GRM8: variants seen among roughly 807,000 people sequenced by gnomAD.
The protein encoded by GRM8 is glutamate metabotropic receptor 8.
In GRM8, 47 loss-of-function variants were observed where a neutral mutation model predicts 87.2. The ratio of observed to expected loss-of-function variants is 0.54; its 90% CI spans 0.43 to 0.69. GRM8 has a LOEUF of 0.69. Ranked by LOEUF, GRM8 falls within the 30% of genes least tolerant of loss-of-function variation. The pLI, the probability that GRM8 is intolerant of heterozygous loss-of-function variation, is 0.00. For synonymous variants in GRM8, 396 were observed against 404.5 expected (o/e 0.98, Z 0.25); for missense variants, 1,019 against 1,139.2 (o/e 0.89, Z 1.52).
At chr7:127,000,864 T>G (rs1382020181) in intron 3 of GRM8, among the ~76,000 whole-genome samples, 1 of 151,682 alleles carries the variant, frequency 6.6e-6, no homozygotes, top group African/African-American at 2.4e-5. Flanking sequence ...TTATATTTTT[T>G]TTACTATACT....
chr7:127,091,046 G>A (rs1042576456), intron 3 of GRM8: 6 of 152,162 alleles, frequency 3.9e-5, no homozygotes, highest in African/African-American at 1.4e-4. Flanking sequence ...TTTAAAAAGT[G>A]GTAAGATGTC....
At chr7:126,775,483 T>TG (rs1252978917) in intron 6 of GRM8, among the ~76,000 whole-genome samples, 31 of 58,088 alleles carry the variant, frequency 5.3e-4, no homozygotes, top group African/African-American at 1.2e-3. Flanking sequence ...AAATAGGTTT[T>TG]TTTTTTTTTT....
intron 2 of GRM8, among the ~76,000 whole-genome samples, chr7:127,131,356 C>T (rs1474084856): frequency 1.3e-5 from 2 of 152,158 alleles, no homozygotes; most frequent in Non-Finnish European, 2.9e-5. Context: ...GACATATGAC[C>T]TTTGGGATGA....
intron 8 of GRM8, among the ~76,000 whole-genome samples, chr7:126,549,533 T>G (rs1009438711): frequency 1.3e-5 from 2 of 152,224 alleles, no homozygotes; most frequent in Non-Finnish European, 2.9e-5. Flanking sequence ...AAAGTTATTA[T>G]TTAATTTCTA....
intron 7 of GRM8, among the ~76,000 whole-genome samples, chr7:126,664,765 C>G (rs1805581438): frequency 6.6e-6 from 1 of 151,916 alleles, no homozygotes; most frequent in Non-Finnish European, 1.5e-5. Flanking sequence ...AAATAACAAT[C>G]AATAACTAGG....
At chr7:127,173,312 A>C (rs2116342732) in intron 2 of GRM8, among the ~76,000 whole-genome samples, 1 of 152,314 alleles carries the variant, frequency 6.6e-6, no homozygotes, top group East Asian at 1.9e-4. Context: ...TTTTGATCAA[A>C]GACTTGAATA....
chr7:126,779,085 T>C (rs1031499874), intron 6 of GRM8, among the ~76,000 whole-genome samples: 17 of 152,056 alleles, frequency 1.1e-4, no homozygotes, highest in African/African-American at 2.9e-4. Context: ...TAGAAAAGCA[T>C]GGTTTTTTAT....
chr7:126,665,461 G>A (rs529345469), intron 7 of GRM8, among the ~76,000 whole-genome samples: 7 of 152,276 alleles, frequency 4.6e-5, no homozygotes, highest in African/African-American at 1.7e-4. Context: ...CACTGTGGAT[G>A]CAGCTAGAGG....
intron 7 of GRM8, among the ~76,000 whole-genome samples, chr7:126,615,384 T>C (rs1044772831): frequency 1.3e-5 from 2 of 151,948 alleles, no homozygotes; most frequent in African/African-American, 4.8e-5. Context: ...GCACTAAACA[T>C]GGAAAGGAAC....
intron 7 of GRM8, among the ~76,000 whole-genome samples, chr7:126,652,342 T>A (rs1803997098): frequency 6.6e-6 from 1 of 152,170 alleles, no homozygotes; most frequent in African/African-American, 2.4e-5. Flanking sequence ...TGCGTATGGG[T>A]TCAAGTCGAC....
intron 3 of GRM8, among the ~76,000 whole-genome samples, chr7:127,031,694 A>C (rs770314267): frequency 9.2e-5 from 14 of 152,198 alleles, no homozygotes; most frequent in Non-Finnish European, 1.8e-4. Context: ...TCTTCATAAA[A>C]AAATCATCGA....
intron 4 of GRM8, 63 bp downstream of exon 4, chr7:126,904,485 A>G: frequency 6.8e-7 from 1 of 1,465,104 alleles, no homozygotes; most frequent in Middle Eastern, 1.8e-4. Context: ...AACATGAAAT[A>G]TGTTAGAAAG....
At chr7:126,916,823 T>C (rs1803955404) in intron 3 of GRM8, among the ~76,000 whole-genome samples, 2 of 152,162 alleles carry the variant, frequency 1.3e-5, no homozygotes, top group African/African-American at 4.8e-5. Context: ...GGAAATGAAC[T>C]TCAGAGAACA....
At position 126,914,506 on chromosome 7, in the gene GRM8, G is replaced by A. The variant is rs148995277; in HGVS notation, c.728-9823C>T. Among the ~76,000 whole-genome samples the A allele has an allele frequency of 2.9e-3, 438 of 152,228 alleles. 1 individual carries two copies. The highest frequency in any genetic ancestry group is 4.8e-3 in the Non-Finnish European group (329 of 68,012). ...ACAGCACTATTACAATAGCAAAGAC[G>A]TGGAATCAACCTAGGTGCCCATCAG... On this transcript the variant is annotated intron_variant, in intron 3 of 10. Coordinates refer to ENST00000339582, the MANE Select transcript of GRM8 (RefSeq NM_000845.3).
intron 2 of GRM8, among the ~76,000 whole-genome samples, chr7:127,123,973 A>G (rs565756303): frequency 2.2e-4 from 34 of 152,272 alleles, no homozygotes; most frequent in Non-Finnish European, 4.9e-4. Context: ...CACATGCAGC[A>G]GCCTTTTTGA....
intron 3 of GRM8, among the ~76,000 whole-genome samples, chr7:127,027,911 G>A (rs17868907): frequency 6.6e-6 from 1 of 152,128 alleles, no homozygotes. Flanking sequence ...TCTTGTGTTG[G>A]TTTTCAAAGG....
At chr7:126,878,519 C>CTTT (rs35669727) in intron 6 of GRM8, among the ~76,000 whole-genome samples, 37 of 131,022 alleles carry the variant, frequency 2.8e-4, no homozygotes, top group Non-Finnish European at 4.5e-4. Context: ...TCGTCTTCTT[C>CTTT]TTTTTTTTTT....
At chr7:127,019,284 G>A (rs1245151308) in intron 3 of GRM8, among the ~76,000 whole-genome samples, 1 of 152,062 alleles carries the variant, frequency 6.6e-6, no homozygotes, top group African/African-American at 2.4e-5. Context: ...AGACACAGTT[G>A]TCACATCATA....
chr7:127,208,172 CGTTTTGCCATATAAGGCCTAATT>C (rs1303741024), intron 2 of GRM8, among the ~76,000 whole-genome samples: 1 of 152,142 alleles, frequency 6.6e-6, no homozygotes, highest in African/African-American at 2.4e-5. Context: ...CCCTGCCTTA[CGTTTTGCCATATAAGGCCTAATT>C]GTAAGACACT....
Sources: gnomAD v4.1 joint callset for allele counts (sites outside exome capture counted in the v4.1 genomes callset) on GRCh38, gnomAD v4.1.1 for gene constraint, MANE v1.5 for transcripts, NCBI Gene and HGNC (gene_info 2026-07-23, HGNC 2026-07-21) for gene names.